EYS: variants seen among roughly 807,000 people sequenced by gnomAD.
EYS encodes the protein EGF-like photoreceptor maintenance factor.
EYS carries 250 observed loss-of-function variants against 282.1 expected under a neutral mutation model. The ratio of observed to expected loss-of-function variants is 0.89; its 90% confidence interval spans 0.80 to 0.98. The LOEUF (loss-of-function observed/expected upper bound fraction) is 0.98, where lower values mean the gene tolerates loss of function less well. Among genes scored for constraint, EYS ranks in the 50% least tolerant of loss-of-function variants. The pLI, the probability that EYS is intolerant of heterozygous loss-of-function variation, is 0.00. For missense variants in EYS, 4,016 were observed against 3,709.0 expected (o/e 1.08, Z -2.15); for synonymous variants, 1,355 against 1,282.9 (o/e 1.06, Z -1.20).
chr6:64,767,122 A>T (rs1018388702), intron 22 of EYS, among the ~76,000 whole-genome samples: 3 of 151,804 alleles, frequency 2.0e-5, no homozygotes, highest in Non-Finnish European at 2.9e-5. Flanking sequence ...TTTTTACATT[A>T]GTTTTCATAA....
rs536360566 is a variant in EYS, at chr6:64,396,071, CACAG to C, written c.5928-7235_5928-7232del. ...ACATACACAAGCATGCACACACATG[CACAG>C]ACACACACGCACACACATACTCTCT... On this transcript the variant is annotated intron_variant, in intron 28 of 42. Coordinates refer to ENST00000503581, the MANE Select transcript of EYS (RefSeq NM_001142800.2). Among the ~76,000 whole-genome samples the C allele has an allele frequency of 1.4e-3, 213 of 152,212 alleles. 2 individuals carry two copies. Among genetic ancestry groups the C allele is most frequent in the Middle Eastern group, 3.4e-3 (1 of 294 alleles).
chr6:64,929,271 C>A (rs143927990), intron 15 of EYS, among the ~76,000 whole-genome samples: 1 of 152,016 alleles, frequency 6.6e-6, no homozygotes, highest in East Asian at 1.9e-4. Flanking sequence ...AAGATTGTCC[C>A]GGCAAAGTAA....
chr6:65,443,563 T>C (rs997808565), intron 5 of EYS, among the ~76,000 whole-genome samples: 12 of 148,156 alleles, frequency 8.1e-5, no homozygotes, highest in East Asian at 4.0e-4. Flanking sequence ...CATACATGTA[T>C]ACACACATAT....
intron 19 of EYS, among the ~76,000 whole-genome samples, chr6:64,848,155 T>C (rs1765773392): frequency 6.6e-6 from 1 of 152,012 alleles, no homozygotes. Context: ...TCTTTCTCTT[T>C]AATACATGTG....
At chr6:63,753,806 C>A (rs1415646253) in intron 41 of EYS, among the ~76,000 whole-genome samples, 1 of 152,146 alleles carries the variant, frequency 6.6e-6, no homozygotes, top group Non-Finnish European at 1.5e-5. Flanking sequence ...CAGACCTTAT[C>A]TGCTAGAAAT....
chr6:64,096,977 A>T (rs909222029), intron 31 of EYS, among the ~76,000 whole-genome samples: 1 of 151,744 alleles, frequency 6.6e-6, no homozygotes, highest in African/African-American at 2.4e-5. Context: ...AACAGTCAGG[A>T]CCCTCAGCTG....
At chr6:65,102,793 A>G (rs1188685822) in intron 12 of EYS, among the ~76,000 whole-genome samples, 1 of 151,332 alleles carries the variant, frequency 6.6e-6, no homozygotes, top group African/African-American at 2.4e-5. Context: ...ATTAAAGCTC[A>G]TTATTGTGTT....
intron 12 of EYS, among the ~76,000 whole-genome samples, chr6:65,078,155 TA>T (rs1366862538): frequency 6.6e-6 from 1 of 152,112 alleles, no homozygotes; most frequent in Non-Finnish European, 1.5e-5. Context: ...TTGTGGAATC[TA>T]AACAGCCTAT....
intron 2 of EYS, among the ~76,000 whole-genome samples, chr6:65,502,002 T>G (rs1034805686): frequency 6.6e-6 from 1 of 151,738 alleles, no homozygotes; most frequent in African/African-American, 2.4e-5. Flanking sequence ...TCTCCACATA[T>G]GGTCTTATAG....
chr6:63,781,780 C>T (rs931499627), intron 39 of EYS, among the ~76,000 whole-genome samples: 4 of 152,106 alleles, frequency 2.6e-5, no homozygotes, highest in African/African-American at 9.7e-5. Flanking sequence ...GAACTTCCAA[C>T]AGTATGTTGA....
Position 64,855,869 on chromosome 6 carries a change from G to A in EYS, c.2992+30828C>T, listed in dbSNP as rs544759141. Among the ~76,000 whole-genome samples the A allele has an allele frequency of 9.2e-5, 14 of 152,114 alleles. No homozygotes were observed. In the East Asian group the frequency reaches 2.5e-3, roughly 27 times the overall value. ...ACATAAAGTTAGAATCATACATTATGTACTCTTTCCAGATTGGCCTTCTTC... is the reference window on the plus strand; with the variant it reads ...ACATAAAGTTAGAATCATACATTATATACTCTTTCCAGATTGGCCTTCTTC... On this transcript the variant is annotated intron_variant, in intron 19 of 42. Transcript: ENST00000503581.
intron 24 of EYS, among the ~76,000 whole-genome samples, chr6:64,598,777 A>G (rs1359273393): frequency 6.6e-6 from 1 of 152,234 alleles, no homozygotes; most frequent in East Asian, 1.9e-4. Context: ...TTTGTATTTT[A>G]GGAAAGAAAT....
Position 65,495,250 on chromosome 6 carries a change from T to C in EYS, c.161A>G (p.Tyr54Cys). The C allele has an allele frequency of 6.8e-6, 11 of 1,614,126 alleles. No homozygotes were observed. Among genetic ancestry groups the C allele is most frequent in the Non-Finnish European group, 7.6e-6 (9 of 1,180,024 alleles). The change falls in exon 4 of 43, where the codon TAC becomes TGC. Residue 54 changes from tyrosine (Y) to cysteine (C), a missense_variant. By Grantham distance (194) the Tyr-to-Cys change is radical (BLOSUM62 -2). Transcript: ENST00000503581. ...TACACCCAAAAACCAGCAATCTCTGTAGAAGTCCAAGCAGATGTTTTCTGT... is the reference window on the plus strand; with the variant it reads ...TACACCCAAAAACCAGCAATCTCTGCAGAAGTCCAAGCAGATGTTTTCTGT... ...TLTENICLDF[Y>C]RDCWFLGVNT...
In EYS at chr6:63,762,553, T is replaced by C; in HGVS notation, c.7979A>G (p.His2660Arg). ...STCDPEHDPP[H>R]HCSRGATCIS... Reference sequence around the variant, plus strand: ...GCAGGTTGCTCCTCTGCTACAGTGGTGTGGAGGGTCATGTTCAGGATCACA... The same window carrying C: ...GCAGGTTGCTCCTCTGCTACAGTGGCGTGGAGGGTCATGTTCAGGATCACA... The change falls in exon 41 of 43, where the codon CAC becomes CGC. Residue 2660 changes from histidine to arginine, a missense_variant. His to Arg is a conservative substitution (Grantham distance 29). Coordinates refer to ENST00000503581, the MANE Select transcript of EYS (RefSeq NM_001142800.2). 1 of 1,550,444 alleles carries C rather than the reference T, an allele frequency of 6.4e-7. No homozygotes were observed. The highest frequency in any genetic ancestry group is 8.7e-7 in the Non-Finnish European group (1 of 1,146,118).
chr6:65,704,653 A>G (rs1769810981), intron 1 of EYS, among the ~76,000 whole-genome samples: 2 of 152,230 alleles, frequency 1.3e-5, no homozygotes, highest in East Asian at 1.9e-4. Context: ...TAGATAAAAT[A>G]TAATAACTCA....
intron 35 of EYS, among the ~76,000 whole-genome samples, chr6:63,901,370 C>T (rs1451092731): frequency 1.3e-5 from 2 of 152,142 alleles, no homozygotes; most frequent in African/African-American, 2.4e-5. Context: ...AATAAACATA[C>T]TGTTCGAGAT....
rs184636795 is a variant in EYS at position 65,697,968 on chromosome 6, T to G, written c.-448+9167A>C. 2.0e-5 allele frequency among the ~76,000 whole-genome samples: 3 copies of G among 152,114 alleles called. 1 individual carries two copies. Among genetic ancestry groups the G allele is most frequent in the African/African-American group, 7.2e-5 (3 of 41,456 alleles). Reference sequence around the variant, plus strand: ...AATATACAAAGTAACAAATACGACATTTATTTCACAAAGAGTGGCTTAAAG... The same window carrying G: ...AATATACAAAGTAACAAATACGACAGTTATTTCACAAAGAGTGGCTTAAAG... On this transcript the variant is annotated intron_variant, in intron 1 of 42. Transcript: ENST00000503581.
chr6:65,619,204 T>G (rs1157708373), intron 2 of EYS, among the ~76,000 whole-genome samples: 1 of 151,750 alleles, frequency 6.6e-6, no homozygotes, highest in South Asian at 2.1e-4. Flanking sequence ...GTTCTTCCAT[T>G]TGTTTGTATC....
rs911261303 is a variant in EYS, at chr6:64,163,222, T to A, written c.6424+67370A>T. The stretch of plus-strand genomic sequence containing the variant: ...CTTGCAAGTCTAAAAACAAAAAAAA[T>A]TAAGAGCAATACATATAATACTACA... On this transcript the variant is annotated intron_variant, in intron 31 of 42. Coordinates refer to ENST00000503581, the MANE Select transcript of EYS (RefSeq NM_001142800.2). 2.6e-5 allele frequency among the ~76,000 whole-genome samples: 4 copies of A among 152,188 alleles called. No homozygotes were observed. In the South Asian group the frequency reaches 6.2e-4, roughly 24 times the overall value.
Sources: gnomAD v4.1 joint callset for allele counts (sites outside exome capture counted in the v4.1 genomes callset) on GRCh38, gnomAD v4.1.1 for gene constraint, MANE v1.5 for transcripts, NCBI Gene and HGNC (gene_info 2026-07-23, HGNC 2026-07-21) for gene names.